The following ARID1B variants were observed in gnomAD, a reference collection of about 807,000 sequenced individuals.
ARID1B encodes the protein AT-rich interactive domain-containing protein 1B.
In ARID1B, 30 loss-of-function variants were observed where a neutral mutation model predicts 212.3. That is an observed-to-expected ratio of 0.14 (90% CI 0.11 to 0.19). The LOEUF (loss-of-function observed/expected upper bound fraction) is 0.19. Among genes scored for constraint, ARID1B ranks in the 10% least tolerant of loss-of-function variants. The pLI, the probability that ARID1B is intolerant of heterozygous loss-of-function variation, is 1.00. For missense variants in ARID1B, 2,891 were observed against 3,204.0 expected, an observed-to-expected ratio of 0.90 and a Z score of 2.36; for synonymous variants, 1,402 against 1,301.7, an observed-to-expected ratio of 1.08 and a Z score of -1.66.
chr6:156,947,845 CAAG>C (rs982101715), intron 4 of ARID1B, among the ~76,000 whole-genome samples: 31 of 152,084 alleles, frequency 2.0e-4, no homozygotes, highest in African/African-American at 1.4e-4. Context: ...ATTAATGAAA[CAAG>C]AAAAATTAAA....
At chr6:156,975,613 C>CTTTTTTTTTTTTTTT (rs367797338) in intron 4 of ARID1B, among the ~76,000 whole-genome samples, 130 of 110,718 alleles carry the variant, frequency 1.2e-3, no homozygotes, top group East Asian at 2.1e-3. Context: ...TTTTTTTTTT[C>CTTTTTTTTTTTTTTT]TTTTTTTTTT....
At chr6:156,927,190 A>G (rs572754897) in intron 3 of ARID1B, among the ~76,000 whole-genome samples, 3 of 152,308 alleles carry the variant, frequency 2.0e-5, no homozygotes, top group East Asian at 3.9e-4. Flanking sequence ...GGATCCAAAT[A>G]AAGTGTTAAC....
At chr6:156,976,709 C>G in intron 4 of ARID1B, 1 of 415,214 alleles carries the variant, frequency 2.4e-6, no homozygotes, top group South Asian at 1.9e-5. Flanking sequence ...TCTCCTGGTC[C>G]GTGGACTCTT....
At chr6:157,048,171 G>A (rs897859135) in intron 4 of ARID1B, among the ~76,000 whole-genome samples, 6 of 152,170 alleles carry the variant, frequency 3.9e-5, no homozygotes, top group African/African-American at 7.2e-5. Flanking sequence ...GAATGTCAAC[G>A]TGGCTGGTGT....
intron 3 of ARID1B, among the ~76,000 whole-genome samples, chr6:156,917,707 T>G (rs960081347): frequency 6.6e-6 from 1 of 152,208 alleles, no homozygotes; most frequent in Admixed American, 6.5e-5. Flanking sequence ...AACTGGTGAT[T>G]TATATTGCCT....
Position 156,909,633 on chromosome 6 carries a change from C to T in ARID1B, c.2136+8108C>T, listed in dbSNP as rs77955633. On this transcript the variant is annotated intron_variant, in intron 3 of 19. Coordinates refer to ENST00000636930, the MANE Select transcript of ARID1B (RefSeq NM_001374828.1). ...TTTATCTAGGACAGTTTCTCCTCCC[C>T]AAAATTTGTGCCTTGACCTCTTGAA... Among the ~76,000 whole-genome samples the T allele has an allele frequency of 9.2e-3, 1,402 of 152,260 alleles. 25 individuals carry two copies. Among genetic ancestry groups the T allele is most frequent in the African/African-American group, 0.032 (1,341 of 41,544 alleles).
intron 6 of ARID1B, among the ~76,000 whole-genome samples, chr6:157,123,234 CCCCG>C (rs1166778516): frequency 8.8e-4 from 13 of 14,740 alleles, no homozygotes; most frequent in African/African-American, 1.6e-3. Context: ...CCCCCCCGCC[CCCCG>C]CCCCCCCCCC....
chr6:156,803,939 G>A (rs1215887248), intron 1 of ARID1B, among the ~76,000 whole-genome samples: 2 of 152,130 alleles, frequency 1.3e-5, no homozygotes, highest in East Asian at 1.9e-4. Flanking sequence ...AAAGCATATA[G>A]CTTTACATCC....
intron 4 of ARID1B, among the ~76,000 whole-genome samples, chr6:157,081,687 A>G (rs529993503): frequency 3.6e-4 from 55 of 152,310 alleles, no homozygotes; most frequent in African/African-American, 1.2e-3. Context: ...AGCCCTCTTA[A>G]TGCCCATCCG....
Position 156,779,018 on chromosome 6 carries a change from G to A in ARID1B, c.1338G>A (p.Ala446=). The A allele has an allele frequency of 2.4e-6, 3 of 1,251,512 alleles. No individual in the cohort carries two copies. The highest frequency in any genetic ancestry group is 3.0e-6 in the Non-Finnish European group (3 of 1,007,652). 77.5% of individuals were successfully genotyped at this position (1,251,512 alleles called of 1,614,324 possible). ...GGGGGYGGSS[A]GYGVLSSPRQ... is the part of the protein sequence containing the mutation. ...GCGGCGGCTATGGGGGCTCGTCCGC[G>A]GGGTACGGGGTGCTGAGCTCCCCCC... The change falls in exon 1 of 20, where the codon GCG becomes GCA. Residue 446 remains alanine, a synonymous_variant. Transcript: ENST00000636930.
At chr6:157,001,443 G>A (rs1446456553) in intron 4 of ARID1B, among the ~76,000 whole-genome samples, 2 of 152,202 alleles carry the variant, frequency 1.3e-5, no homozygotes, top group African/African-American at 4.8e-5. Context: ...TGAGGTTCTG[G>A]TTCACTTTAC....
At chr6:156,842,904 C>CT (rs1275937388) in intron 2 of ARID1B, among the ~76,000 whole-genome samples, 3 of 151,298 alleles carry the variant, frequency 2.0e-5, no homozygotes, top group South Asian at 2.1e-4. Context: ...GATACAAACT[C>CT]TAAGTAGAGA....
intron 1 of ARID1B, among the ~76,000 whole-genome samples, chr6:156,800,761 G>A (rs1780723349): frequency 6.6e-6 from 1 of 152,054 alleles, no homozygotes. Context: ...TAAAAAATTA[G>A]CCAGGCATGG....
At chr6:157,196,445 A>G in intron 16 of ARID1B, 130 bp downstream of exon 16, 1 of 1,200,506 alleles carries the variant, frequency 8.3e-7, no homozygotes, top group South Asian at 1.6e-5. Flanking sequence ...GTGAAAGTAA[A>G]GAGGCAATGG....
intron 2 of ARID1B, among the ~76,000 whole-genome samples, chr6:156,855,271 C>T (rs1364896711): frequency 2.0e-5 from 3 of 152,164 alleles, no homozygotes; most frequent in Non-Finnish European, 4.4e-5. Context: ...AGCCCATTAG[C>T]GAGCACATTG....
chr6:157,098,520 T>C (rs901218803), intron 5 of ARID1B, among the ~76,000 whole-genome samples: 1 of 152,198 alleles, frequency 6.6e-6, no homozygotes, highest in Non-Finnish European at 1.5e-5. Flanking sequence ...TTCAGCATGG[T>C]AGTTGATGTA....
At position 157,206,639 on chromosome 6, in the gene ARID1B, A is replaced by G; in HGVS notation, c.5867A>G (p.His1956Arg). 6.2e-7 allele frequency: 1 copy of G among 1,613,862 alleles called. No individual in the cohort carries two copies. The highest frequency in any genetic ancestry group is 8.5e-7 in the Non-Finnish European group (1 of 1,179,976). Residue 1956 changes from histidine (H) to arginine (R), a missense_variant, in exon 20 of 20, where the codon CAC (histidine) becomes CGC (arginine). His to Arg is a conservative substitution (Grantham distance 29). Coordinates refer to ENST00000636930, the MANE Select transcript of ARID1B (RefSeq NM_001374828.1). This position sits in a 1 kb window ranked among gnomAD's most constrained non-coding sequence, Gnocchi z 6.8. ...GACACCACCGAGCACATTCAGACTC[A>G]CTTTGAGAGCAAGATGGAAATTCCT... ...GGDTTEHIQT[H>R]FESKMEIPPR... is the part of the protein sequence containing the mutation.
chr6:157,076,265 C>A (rs889261072), intron 4 of ARID1B, among the ~76,000 whole-genome samples: 11 of 151,954 alleles, frequency 7.2e-5, no homozygotes, highest in African/African-American at 2.7e-4. Flanking sequence ...AGACTCCACA[C>A]AATTTGTGAG....
At chr6:156,956,583 G>T (rs1463686012) in intron 4 of ARID1B, among the ~76,000 whole-genome samples, 1 of 152,098 alleles carries the variant, frequency 6.6e-6, no homozygotes, top group Non-Finnish European at 1.5e-5. Context: ...TTGGGGTGAA[G>T]GGTGGATGAC....
Sources: allele counts gnomAD v4.1 joint callset (sites outside exome capture counted in the v4.1 genomes callset), GRCh38; gene constraint gnomAD v4.1.1; non-coding constraint Gnocchi (gnomAD v3.1); transcripts MANE v1.5; gene names NCBI Gene and HGNC (gene_info 2026-07-23, HGNC 2026-07-21).